Variants in USP7 observed in about 807,000 individuals in gnomAD.
The protein encoded by USP7 is ubiquitin C-terminal hydrolase 7.
USP7 carries 9 observed loss-of-function variants against 162.9 expected under a neutral mutation model. That is an observed-to-expected ratio of 0.06 (90% CI 0.03 to 0.10). The LOEUF is 0.10. Ranked by LOEUF, USP7 falls within the 10% of genes least tolerant of loss-of-function variation. USP7 has a pLI of 1.00. For missense variants in USP7, 715 were observed against 1,373.7 expected (o/e 0.52, Z 7.58); for synonymous variants, 562 against 475.9 (o/e 1.18, Z -2.35).
At chr16:8,907,434 G>A (rs2061878261) in intron 12 of USP7, among the ~76,000 whole-genome samples, 1 of 152,158 alleles carries the variant, frequency 6.6e-6, no homozygotes, top group Non-Finnish European at 1.5e-5. Flanking sequence ...TAAACCTGAA[G>A]GCTGAATGAC....
intron 1 of USP7, among the ~76,000 whole-genome samples, chr16:8,954,495 T>C (rs30764): frequency 0.26 from 40,004 of 152,098 alleles, 5,717 homozygotes; most frequent in South Asian, 0.34. Context: ...TGTGAGATTT[T>C]AGGATTACCC....
chr16:8,919,228 T>A, intron 5 of USP7, 89 bp from the exon 6 acceptor site: 1 of 1,335,570 alleles, frequency 7.5e-7, no homozygotes. Context: ...AAGGTCAGCC[T>A]TAAGGAAACC....
chr16:8,899,210 T>G (rs1425369233), intron 22 of USP7, 22 bp from the exon 23 acceptor site: 1 of 1,612,512 alleles, frequency 6.2e-7, no homozygotes, highest in Non-Finnish European at 8.5e-7. Context: ...AAAGGAAGGT[T>G]CACATTTTGG....
intron 1 of USP7, among the ~76,000 whole-genome samples, chr16:8,951,110 T>C (rs1042432430): frequency 6.6e-6 from 1 of 152,206 alleles, no homozygotes; most frequent in African/African-American, 2.4e-5. Context: ...ATCAGTGACT[T>C]AACAGGCAAG....
At chr16:8,948,486 C>T (rs988785017) in intron 1 of USP7, among the ~76,000 whole-genome samples, 2 of 152,150 alleles carry the variant, frequency 1.3e-5, no homozygotes, top group African/African-American at 4.8e-5. Flanking sequence ...CACCTGGCCC[C>T]CAGTTAACTC....
At position 8,903,310 on chromosome 16, in the gene USP7, G is replaced by C; in HGVS notation, c.1797C>G (p.Asn599Lys). 6.2e-7 allele frequency: 1 copy of C among 1,613,964 alleles called. No individual in the cohort carries two copies. The highest frequency in any genetic ancestry group is 8.5e-7 in the Non-Finnish European group (1 of 1,179,918). Residue 599 changes from asparagine to lysine, a missense_variant, in exon 16 of 31, where the codon AAC becomes AAG. Transcript: ENST00000344836. ...TCTGAACAAACTCAGCAAGCGAGGA[G>C]TTCTTCAATACTTTGAACACAGTGT... is the stretch of plus-strand genomic sequence containing the variant. ...VKYTVFKVLK[N>K]SSLAEFVQSL...
chr16:8,943,485 T>C (rs76857105), intron 1 of USP7, among the ~76,000 whole-genome samples: 2 of 152,020 alleles, frequency 1.3e-5, no homozygotes, highest in African/African-American at 4.8e-5. Flanking sequence ...TGGAGATCTG[T>C]GACACACAAG....
intron 1 of USP7, among the ~76,000 whole-genome samples, chr16:8,932,238 T>A (rs992330182): frequency 1.3e-5 from 2 of 152,224 alleles, no homozygotes; most frequent in African/African-American, 4.8e-5. Flanking sequence ...TCAGTCTTGA[T>A]AGTCTCTTAA....
At chr16:8,951,010 C>A (rs1330634870) in intron 1 of USP7, among the ~76,000 whole-genome samples, 2 of 152,130 alleles carry the variant, frequency 1.3e-5, no homozygotes, top group African/African-American at 2.4e-5. Context: ...TGCAACGTCC[C>A]AAGAATTCAC....
rs966154902 is a variant in USP7, at chr16:8,895,657, C to T, written c.2904G>A (p.Arg968=). 2.5e-6 allele frequency: 4 copies of T among 1,612,952 alleles called. No homozygotes were observed. Among genetic ancestry groups the T allele is most frequent in the Non-Finnish European group, 3.4e-6 (4 of 1,179,746 alleles). ...GGACAGATACCTCTATTCGAAACGT[C>T]CGGCTCGTTGCAGGAGATAAACATT... ...LLECLSPATS[R]TFRIEEIPLD... Residue 968 remains arginine, a synonymous_variant, in exon 27 of 31, where the codon CGG becomes CGA. Transcript: ENST00000344836.
chr16:8,919,023 C>T lies in USP7; in HGVS notation c.720+8G>A. 1 of 1,612,812 alleles carries T rather than the reference C, an allele frequency of 6.2e-7. No homozygotes were observed. Among genetic ancestry groups the T allele is most frequent in the Non-Finnish European group, 8.5e-7 (1 of 1,179,726 alleles). On this transcript the variant is annotated splice_region_variant and intron_variant, in intron 6 of 30. Coordinates refer to ENST00000344836, the MANE Select transcript of USP7 (RefSeq NM_003470.3). ...GAAGGCTGCAGGAGAGGAACACTAT[C>T]CATTTACCTTTCGTAGCTGATTCGT... is the stretch of plus-strand genomic sequence containing the variant.
At chr16:8,909,456 G>T (rs1177426026) in intron 11 of USP7, among the ~76,000 whole-genome samples, 2 of 152,162 alleles carry the variant, frequency 1.3e-5, no homozygotes, top group African/African-American at 4.8e-5. Context: ...TCCACAGTGG[G>T]GAAGGACCTG....
chr16:8,956,925 A>G (rs1899836143), intron 1 of USP7, among the ~76,000 whole-genome samples: 1 of 152,006 alleles, frequency 6.6e-6, no homozygotes, highest in Non-Finnish European at 1.5e-5. Context: ...CACAACACAG[A>G]CAAGTCGACG....
chr16:8,926,326 A>C (rs1423384776), intron 2 of USP7, among the ~76,000 whole-genome samples: 1 of 152,058 alleles, frequency 6.6e-6, no homozygotes, highest in Non-Finnish European at 1.5e-5. Context: ...AAAAATAAAA[A>C]AAATTAGCTG....
At chr16:8,945,720 G>T (rs74728863) in intron 1 of USP7, among the ~76,000 whole-genome samples, 1 of 152,086 alleles carries the variant, frequency 6.6e-6, no homozygotes, top group African/African-American at 2.4e-5. Flanking sequence ...TATTTATATG[G>T]AACAATAAAA....
chr16:8,900,826 A>C (rs1340127396), intron 20 of USP7, 164 bp downstream of exon 20: 3 of 815,358 alleles, frequency 3.7e-6, no homozygotes, highest in Non-Finnish European at 5.6e-6. Context: ...AACAGGTAAA[A>C]AAAAAAAATT....
chr16:8,919,168 T>C, intron 5 of USP7, 29 bp from the exon 6 acceptor site: 4 of 1,609,210 alleles, frequency 2.5e-6, no homozygotes, highest in Non-Finnish European at 3.4e-6. Flanking sequence ...GTTGAGGGGA[T>C]CTTGCAGATA....
intron 1 of USP7, among the ~76,000 whole-genome samples, chr16:8,937,278 C>T (rs1898797429): frequency 6.6e-6 from 1 of 152,146 alleles, no homozygotes; most frequent in Non-Finnish European, 1.5e-5. Context: ...GGCAGGGTGG[C>T]TCACGCCTGT....
chr16:8,926,214 G>A (rs868163704), intron 2 of USP7, among the ~76,000 whole-genome samples: 16 of 148,140 alleles, frequency 1.1e-4, no homozygotes, highest in Middle Eastern at 4.1e-3. Flanking sequence ...GCGGTGGTTC[G>A]CGCCTGTAAT....
Sources: gnomAD v4.1 joint callset for allele counts (sites outside exome capture counted in the v4.1 genomes callset) on GRCh38, gnomAD v4.1.1 for gene constraint, MANE v1.5 for transcripts, NCBI Gene and HGNC (gene_info 2026-07-23, HGNC 2026-07-21) for gene names.